CHRM3: variants seen among roughly 807,000 people sequenced by gnomAD.
The protein encoded by CHRM3 is muscarinic acetylcholine receptor M3.
In CHRM3, 11 loss-of-function variants were observed where a neutral mutation model predicts 41.8. The ratio of observed to expected loss-of-function variants is 0.26; its 90% confidence interval spans 0.17 to 0.44. The LOEUF (loss-of-function observed/expected upper bound fraction) is 0.44. Ranked by LOEUF, CHRM3 falls within the 20% of genes least tolerant of loss-of-function variation. CHRM3 has a pLI of 1.00. For missense variants in CHRM3, 571 were observed against 745.4 expected, an observed-to-expected ratio of 0.77 and a Z score of 2.72; for synonymous variants, 297 against 301.4, an observed-to-expected ratio of 0.99 and a Z score of 0.15.
At chr1:239,555,240 C>G (rs1022397691) in intron 3 of CHRM3, among the ~76,000 whole-genome samples, 3 of 152,146 alleles carry the variant, frequency 2.0e-5, no homozygotes, top group Non-Finnish European at 4.4e-5. Context: ...AGAAAAGCAA[C>G]TCCCAGTTTT....
At chr1:239,802,197 T>C (rs61829246) in intron 5 of CHRM3, among the ~76,000 whole-genome samples, 5,156 of 152,294 alleles carry the variant, frequency 0.034, 126 homozygotes, top group African/African-American at 0.064. Flanking sequence ...ACATGACTGA[T>C]ATCATTGGTA....
intron 5 of CHRM3, among the ~76,000 whole-genome samples, chr1:239,758,992 G>A (rs1666466784): frequency 6.6e-6 from 1 of 152,110 alleles, no homozygotes; most frequent in Non-Finnish European, 1.5e-5. Context: ...AGAATCAGCA[G>A]TATAGGTTGT....
At chr1:239,568,867 C>T (rs1208589880) in intron 3 of CHRM3, among the ~76,000 whole-genome samples, 1 of 152,186 alleles carries the variant, frequency 6.6e-6, no homozygotes, top group African/African-American at 2.4e-5. Context: ...GGCTGTGACC[C>T]ACCTGCTTAA....
intron 6 of CHRM3, among the ~76,000 whole-genome samples, chr1:239,903,518 C>A (rs1327304274): frequency 6.6e-6 from 1 of 152,170 alleles, no homozygotes; most frequent in Non-Finnish European, 1.5e-5. Flanking sequence ...TTGACAAAGA[C>A]AGAACACCTT....
At chr1:239,407,417 T>TATATAGAGAG in intron 1 of CHRM3, among the ~76,000 whole-genome samples, 2 of 134,150 alleles carry the variant, frequency 1.5e-5, no homozygotes, top group Non-Finnish European at 3.4e-5. Flanking sequence ...TATATATATA[T>TATATAGAGAG]AGAGAGAGAG....
At position 239,620,777 on chromosome 1, in the gene CHRM3, C is replaced by G. The variant is rs895819305; in HGVS notation, c.-312-11447C>G. On this transcript the variant is annotated intron_variant, in intron 3 of 6. Coordinates refer to ENST00000676153, the MANE Select transcript of CHRM3 (RefSeq NM_001375978.1). Reference sequence around the variant, plus strand: ...TAAATAGTAAAAGAATAGGGCACATCCATGCTGAGGTGGATTCACTCTCTC... The same window carrying G: ...TAAATAGTAAAAGAATAGGGCACATGCATGCTGAGGTGGATTCACTCTCTC... Among the ~76,000 whole-genome samples the G allele has an allele frequency of 2.0e-5, 3 of 151,916 alleles. No homozygotes were observed. In the South Asian group the frequency reaches 6.2e-4, roughly 32 times the overall value.
At chr1:239,762,030 T>A (rs1251423209) in intron 5 of CHRM3, among the ~76,000 whole-genome samples, 3 of 152,146 alleles carry the variant, frequency 2.0e-5, no homozygotes, top group Non-Finnish European at 2.9e-5. Flanking sequence ...TTTGCTTGGT[T>A]CCCTTTTCTT....
At chr1:239,598,444 G>A (rs1665074743) in intron 3 of CHRM3, among the ~76,000 whole-genome samples, 1 of 152,148 alleles carries the variant, frequency 6.6e-6, no homozygotes, top group Non-Finnish European at 1.5e-5. Context: ...CTAAGCCTGA[G>A]CTTGCAACTT....
intron 5 of CHRM3, among the ~76,000 whole-genome samples, chr1:239,709,025 A>G (rs1661494810): frequency 6.6e-6 from 1 of 152,130 alleles, no homozygotes. Context: ...AGGAAAAATA[A>G]TAAAAGATAT....
chr1:239,497,932 C>G (rs1366526827), intron 2 of CHRM3, among the ~76,000 whole-genome samples: 1 of 152,144 alleles, frequency 6.6e-6, no homozygotes, highest in Non-Finnish European at 1.5e-5. Context: ...AGCAAGAGAA[C>G]AATTATGAAA....
intron 2 of CHRM3, among the ~76,000 whole-genome samples, chr1:239,533,939 C>G (rs1657940157): frequency 6.6e-6 from 1 of 152,084 alleles, no homozygotes; most frequent in Non-Finnish European, 1.5e-5. Flanking sequence ...CCACACCTCT[C>G]CTGCCCTGTT....
At chr1:239,637,896 A>T (rs984301166) in intron 4 of CHRM3, among the ~76,000 whole-genome samples, 5 of 136,068 alleles carry the variant, frequency 3.7e-5, no homozygotes, top group Non-Finnish European at 7.9e-5. Context: ...TATATCTCCT[A>T]TGCTATCCCT....
intron 6 of CHRM3, among the ~76,000 whole-genome samples, chr1:239,874,273 T>G: frequency 7.4e-6 from 1 of 135,034 alleles, no homozygotes; most frequent in East Asian, 2.0e-4. Context: ...CCTATATATA[T>G]CTATATACAC....
At chr1:239,639,372 G>A (rs746992207) in intron 4 of CHRM3, among the ~76,000 whole-genome samples, 5 of 152,050 alleles carry the variant, frequency 3.3e-5, no homozygotes, top group Admixed American at 2.0e-4. Context: ...CCATTTTTAC[G>A]ATATTGATTC....
chr1:239,462,402 G>A (rs1402387302), intron 1 of CHRM3, among the ~76,000 whole-genome samples: 2 of 152,020 alleles, frequency 1.3e-5, no homozygotes, highest in Non-Finnish European at 2.9e-5. Context: ...GAATCTTAAT[G>A]CTCAAAAGGA....
intron 5 of CHRM3, among the ~76,000 whole-genome samples, chr1:239,709,537 C>T (rs112793084): frequency 0.013 from 1,956 of 152,250 alleles, 54 homozygotes; most frequent in African/African-American, 0.045. Context: ...CCAGCTAGGA[C>T]AGTGCTGCCT....
At chr1:239,525,275 C>T (rs1669917551) in intron 2 of CHRM3, among the ~76,000 whole-genome samples, 1 of 152,128 alleles carries the variant, frequency 6.6e-6, no homozygotes, top group South Asian at 2.1e-4. Context: ...GAGGCTGAGG[C>T]CACAGTGGGC....
At chr1:239,650,359 T>C (rs1672122802) in intron 4 of CHRM3, among the ~76,000 whole-genome samples, 1 of 152,238 alleles carries the variant, frequency 6.6e-6, no homozygotes, top group Non-Finnish European at 1.5e-5. Flanking sequence ...AGTTTCTCTC[T>C]GCAAAATGGA....
chr1:239,806,850 C>A (rs1055961754), intron 5 of CHRM3, among the ~76,000 whole-genome samples: 2 of 152,150 alleles, frequency 1.3e-5, no homozygotes, highest in Non-Finnish European at 2.9e-5. Context: ...ACTAGGTGTA[C>A]TTCCATTACC....
Sources: allele counts gnomAD v4.1 joint callset (sites outside exome capture counted in the v4.1 genomes callset), GRCh38; gene constraint gnomAD v4.1.1; transcripts MANE v1.5; gene names NCBI Gene and HGNC (gene_info 2026-07-23, HGNC 2026-07-21).